Variants in COPA observed in about 807,000 individuals in gnomAD.
COPA encodes the protein coat protein complex I subunit alpha.
Under a neutral mutation model 158.7 loss-of-function variants are expected in COPA, and 10 were observed. The ratio of observed to expected loss-of-function variants is 0.06; its 90% CI spans 0.04 to 0.11. The LOEUF (loss-of-function observed/expected upper bound fraction) is 0.11. Among genes scored for constraint, COPA ranks in the 10% least tolerant of loss-of-function variants. The probability of loss-of-function intolerance (pLI) is 1.00; values close to 1 mark genes in which losing one functional copy is unlikely to be tolerated. For synonymous variants in COPA, 462 were observed against 542.8 expected (o/e 0.85, Z 2.07); for missense variants, 1,065 against 1,536.7 (o/e 0.69, Z 5.13).
intron 17 of COPA, chr1:160,305,217 T>C (rs1658745824): frequency 2.1e-6 from 1 of 487,760 alleles, no homozygotes; most frequent in Non-Finnish European, 3.6e-6. Flanking sequence ...TTATTTGTTA[T>C]TCTATTTTTT....
chr1:160,318,125 G>A (rs1224383298), intron 8 of COPA, among the ~76,000 whole-genome samples: 1 of 152,054 alleles, frequency 6.6e-6, no homozygotes, highest in African/African-American at 2.4e-5. Flanking sequence ...CTGAAACTGT[G>A]GAAAAATGAC....
chr1:160,327,307 C>T (rs1316120297), intron 6 of COPA, among the ~76,000 whole-genome samples: 1 of 152,012 alleles, frequency 6.6e-6, no homozygotes, highest in Non-Finnish European at 1.5e-5. Flanking sequence ...GAGGCTGAGA[C>T]AGGTGAACCA....
chr1:160,335,199 A>C (rs570883801), intron 4 of COPA, 43 bp downstream of exon 4: 3 of 1,532,474 alleles, frequency 2.0e-6, no homozygotes, highest in Non-Finnish European at 2.7e-6. Flanking sequence ...TACTATGGGG[A>C]AACTAAGAAT....
chr1:160,310,603 T>A (rs1165714983), intron 11 of COPA: 1 of 160,970 alleles, frequency 6.2e-6, no homozygotes, highest in African/African-American at 2.4e-5. Flanking sequence ...AGTAACATAA[T>A]GTGATTTGTC....
At chr1:160,315,816 G>C (rs1659112977) in intron 8 of COPA, among the ~76,000 whole-genome samples, 1 of 152,194 alleles carries the variant, frequency 6.6e-6, no homozygotes, top group African/African-American at 2.4e-5. Flanking sequence ...AGCAATTTGT[G>C]ATCTCTGACC....
chr1:160,329,292 C>T (rs1035558618), intron 6 of COPA, among the ~76,000 whole-genome samples: 2 of 152,174 alleles, frequency 1.3e-5, no homozygotes, highest in South Asian at 2.1e-4. Context: ...AACATTAGTA[C>T]AGCAAGCTAG....
At chr1:160,342,499 T>C (rs1229278985) in intron 1 of COPA, among the ~76,000 whole-genome samples, 2 of 152,184 alleles carry the variant, frequency 1.3e-5, no homozygotes, top group African/African-American at 4.8e-5. Flanking sequence ...GAACTTCTGG[T>C]AAGCAACGAC....
Position 160,317,779 on chromosome 1 carries a change from G to A in COPA, c.707-3654C>T, listed in dbSNP as rs1453001660. 9.9e-6 allele frequency: 10 copies of A among 1,005,902 alleles called. No individual in the cohort carries two copies. The East Asian group carries it at 1.7e-4, about 17-fold the overall frequency. 62.3% of individuals were successfully genotyped at this position (1,005,902 alleles called of 1,614,324 possible). Reference sequence around the variant, plus strand: ...AAAAATAGTTCTTTTGTAATGTGGTGTTAAAAACGGAATTGAAAACTGGCA... The same window carrying A: ...AAAAATAGTTCTTTTGTAATGTGGTATTAAAAACGGAATTGAAAACTGGCA... On this transcript the variant is annotated intron_variant, in intron 8 of 32. Transcript: ENST00000241704.
At chr1:160,317,937 C>A (rs556779157) in intron 8 of COPA, among the ~76,000 whole-genome samples, 1 of 152,110 alleles carries the variant, frequency 6.6e-6, no homozygotes, top group African/African-American at 2.4e-5. Context: ...TTAAAAATTA[C>A]GTGTGCACAG....
At chr1:160,321,062 G>GAT (rs1659319346) in intron 8 of COPA, among the ~76,000 whole-genome samples, 2 of 152,096 alleles carry the variant, frequency 1.3e-5, no homozygotes, top group South Asian at 4.1e-4. Flanking sequence ...CAATAAACAT[G>GAT]ATATATCACA....
intron 6 of COPA, among the ~76,000 whole-genome samples, chr1:160,332,199 G>A (rs1256432443): frequency 6.6e-6 from 1 of 152,124 alleles, no homozygotes; most frequent in Non-Finnish European, 1.5e-5. Context: ...TTTAACAAAA[G>A]CTGATGTAAC....
rs1275784961 is a variant in COPA, at chr1:160,307,181, G to C, written c.1284C>G (p.Val428=). The part of the protein sequence containing the change: ...AVWVARNRFA[V]LDRMHSLLIK... Reference sequence around the variant, plus strand: ...AACTCACCGAATGCATCCGATCTAGGACAGCAAACCGATTTCGAGCGACCC... The same window carrying C: ...AACTCACCGAATGCATCCGATCTAGCACAGCAAACCGATTTCGAGCGACCC... The change falls in exon 14 of 33, where the codon GTC becomes GTG. Residue 428 remains valine, a synonymous_variant. Coordinates refer to ENST00000241704, the MANE Select transcript of COPA (RefSeq NM_004371.4). 3 of 1,614,162 alleles carry C rather than the reference G, an allele frequency of 1.9e-6. No individual in the cohort carries two copies. Among genetic ancestry groups the C allele is most frequent in the African/African-American group, 1.3e-5 (1 of 75,064 alleles).
chr1:160,310,325 C>T, intron 11 of COPA, 67 bp from the exon 12 acceptor site: 1 of 865,520 alleles, frequency 1.2e-6, no homozygotes, highest in Non-Finnish European at 1.8e-6. Flanking sequence ...AGAAAGGAAT[C>T]ACCCCCACAC....
In COPA at chr1:160,306,338, G is replaced by T; in HGVS notation, c.1442+16C>A. ...CAACTACAGGGCTGTCTGCTTAGGG[G>T]CACCTGATATGTTACCGCTTCTGCT... On this transcript the variant is annotated intron_variant, in intron 15 of 32. Coordinates refer to ENST00000241704, the MANE Select transcript of COPA (RefSeq NM_004371.4). 6.3e-7 allele frequency: 1 copy of T among 1,579,466 alleles called. No individual in the cohort carries two copies. The highest frequency in any genetic ancestry group is 8.6e-7 in the Non-Finnish European group (1 of 1,162,990).
intron 8 of COPA, among the ~76,000 whole-genome samples, chr1:160,320,792 TAAAAAAAAAAAAAA>T (rs143294298): frequency 2.2e-5 from 2 of 89,244 alleles, no homozygotes; most frequent in African/African-American, 7.9e-5. Context: ...TTCAAACTCT[TAAAAAAAAAAAAAA>T]AAAAAAAAAA....
intron 8 of COPA, among the ~76,000 whole-genome samples, chr1:160,319,744 A>G (rs1659269847): frequency 6.6e-6 from 1 of 152,016 alleles, no homozygotes; most frequent in Admixed American, 6.6e-5. Context: ...ATACAAACAC[A>G]TGTAAGTTAA....
intron 6 of COPA, among the ~76,000 whole-genome samples, chr1:160,330,103 ACT>A (rs1277421714): frequency 1.3e-5 from 2 of 150,758 alleles, no homozygotes; most frequent in Non-Finnish European, 3.0e-5. Context: ...TAACAGTGAG[ACT>A]CTGTCCCCAC....
intron 3 of COPA, among the ~76,000 whole-genome samples, chr1:160,338,345 C>A (rs1167275181): frequency 6.6e-6 from 1 of 152,164 alleles, no homozygotes; most frequent in Non-Finnish European, 1.5e-5. Flanking sequence ...TCCTATAATT[C>A]TAATAGCTCT....
chr1:160,313,998 C>A lies in COPA; in HGVS notation c.834G>T (p.Met278Ile). The change falls in exon 9 of 33, where the codon ATG becomes ATT. Residue 278 changes from methionine (M) to isoleucine (I), a missense_variant. By Grantham distance (10) the Met-to-Ile change is conservative (BLOSUM62 1). Coordinates refer to ENST00000241704, the MANE Select transcript of COPA (RefSeq NM_004371.4). ...SEDKSIRVWDMSKRTGVQTFR... is the reference protein window; with the variant it reads ...SEDKSIRVWDISKRTGVQTFR... ...ACTGAGGACTACCTTACCGCTTAGA[C>A]ATATCCCAGACTCGAATACTCTTGT... 1 of 1,612,368 alleles carries A rather than the reference C, an allele frequency of 6.2e-7. No homozygotes were observed. The highest frequency in any genetic ancestry group is 8.5e-7 in the Non-Finnish European group (1 of 1,179,262).
Sources: gnomAD v4.1 joint callset for allele counts (sites outside exome capture counted in the v4.1 genomes callset) on GRCh38, gnomAD v4.1.1 for gene constraint, MANE v1.5 for transcripts, NCBI Gene and HGNC (gene_info 2026-07-23, HGNC 2026-07-21) for gene names.